JAZF1: variants seen among roughly 807,000 people sequenced by gnomAD.
JAZF1 encodes the protein JAZF zinc finger 1, also known as juxtaposed with another zinc finger protein 1.
A neutral mutation model predicts 26.4 loss-of-function variants in JAZF1; 8 were observed. That is an observed-to-expected ratio of 0.30 (90% confidence interval 0.18 to 0.55). The LOEUF (loss-of-function observed/expected upper bound fraction) is 0.55, where lower values mean the gene tolerates loss of function less well. Ranked by LOEUF, JAZF1 falls within the 20% of genes least tolerant of loss-of-function variation. JAZF1 has a pLI of 0.94. For synonymous variants in JAZF1, 126 were observed against 122.3 expected (o/e 1.03, Z -0.20); for missense variants, 199 against 322.0 (o/e 0.62, Z 2.92).
At chr7:28,110,522 A>AAGGAG (rs1784635865) in intron 1 of JAZF1, among the ~76,000 whole-genome samples, 1 of 65,280 alleles carries the variant, frequency 1.5e-5, no homozygotes, top group African/African-American at 5.0e-5. Context: ...AGGAAAAGGA[A>AAGGAG]AAGGAAAAGG....
At chr7:27,913,450 C>A (rs1398255938) in intron 2 of JAZF1, 2 of 419,004 alleles carry the variant, frequency 4.8e-6, no homozygotes, top group Middle Eastern at 3.5e-4. Context: ...CTCATCTCCG[C>A]TGTCTGTGGG....
chr7:28,030,720 G>C (rs896552594), intron 1 of JAZF1, among the ~76,000 whole-genome samples: 9 of 152,130 alleles, frequency 5.9e-5, no homozygotes, highest in Admixed American at 4.6e-4. Flanking sequence ...CTTTAAAATA[G>C]TTTTTATTTA....
Position 28,179,589 on chromosome 7 carries a change from C to T in JAZF1, c.115+874G>A, listed in dbSNP as rs866246048. ...GGGGTGTCTCTCCAGCGGGCGCCGCCGCAGGGGCCTCCAGGGCGCGTCGAC... is the reference window on the plus strand; with the variant it reads ...GGGGTGTCTCTCCAGCGGGCGCCGCTGCAGGGGCCTCCAGGGCGCGTCGAC... On this transcript the variant is annotated intron_variant, in intron 1 of 4. Transcript: ENST00000283928. Among the ~76,000 whole-genome samples, 80 of 151,446 alleles carry T rather than the reference C, an allele frequency of 5.3e-4. No individual in the cohort carries two copies. The Middle Eastern group carries it at 0.01, about 19-fold the overall frequency.
chr7:27,991,970 G>A lies in JAZF1; in HGVS notation c.127C>T (p.Arg43Trp), dbSNP rs1458055738. ...IEDNHIDTDP[R>W]VLEKQELQQP... ...TGTAATTCTTGTTTTTCTAAAACCC[G>A]TGGATCTGTATCTGTAATAAAAACA... is the stretch of plus-strand genomic sequence containing the variant. Residue 43 changes from arginine (R) to tryptophan (W), a missense_variant, in exon 2 of 5, where the codon CGG becomes TGG. Physicochemically the swap from Arg to Trp is moderately radical, Grantham distance 101. Around this residue, in one of 2 missense-constraint regions of JAZF1, gnomAD observed 137 missense variants for 184.8 expected, o/e 0.74. Transcript: ENST00000283928. 1.9e-6 allele frequency: 3 copies of A among 1,600,234 alleles called. No homozygotes were observed. Among genetic ancestry groups the A allele is most frequent in the African/African-American group, 1.3e-5 (1 of 74,586 alleles).
At chr7:28,076,696 T>C (rs1250369720) in intron 1 of JAZF1, among the ~76,000 whole-genome samples, 1 of 144,804 alleles carries the variant, frequency 6.9e-6, no homozygotes, top group Non-Finnish European at 1.5e-5. Context: ...ACAATTGCTG[T>C]CTTTCTCTCT....
rs370764659 is a variant in JAZF1, at chr7:27,898,311, GTTTTT to G, written c.189-2900_189-2896del. ...CATATATATATATATATATACATCGGTTTTTTTTTTTTTTTTTTTGAGATGGAGTC... is the reference window on the plus strand; with the variant it reads ...CATATATATATATATATATACATCGGTTTTTTTTTTTTTTGAGATGGAGTC... On this transcript the variant is annotated intron_variant, in intron 2 of 4. Coordinates refer to ENST00000283928, the MANE Select transcript of JAZF1 (RefSeq NM_175061.4). 1.3e-3 allele frequency among the ~76,000 whole-genome samples: 141 copies of G among 111,262 alleles called. 2 individuals are homozygous for G. The highest frequency in any genetic ancestry group is 5.9e-3 in the Middle Eastern group (1 of 170). The allele number at this position is 111,262 out of a possible 152,430, so 73.0% of individuals were successfully genotyped here. A position where few individuals can be genotyped will look rare whatever the true frequency, so the allele number is the denominator to read the frequency against.
rs73302940 is a variant in JAZF1, at chr7:28,084,658, G to C, written c.116-92677C>G. On this transcript the variant is annotated intron_variant, in intron 1 of 4. Transcript: ENST00000283928. The stretch of plus-strand genomic sequence containing the variant: ...TCTAAGGGTGACCCCACCCCACAGC[G>C]GGCAAGCAGCATCATGCCATTGCCA... 7.4e-3 allele frequency among the ~76,000 whole-genome samples: 1,134 copies of C among 152,314 alleles called. 17 individuals carry two copies. Among genetic ancestry groups the C allele is most frequent in the African/African-American group, 0.026 (1,073 of 41,554 alleles).
chr7:27,908,842 C>T (rs1239218476), intron 2 of JAZF1, among the ~76,000 whole-genome samples: 9 of 152,180 alleles, frequency 5.9e-5, no homozygotes, highest in Non-Finnish European at 8.8e-5. Context: ...TGAGGTGTTG[C>T]CTGATTCGAG....
chr7:28,032,507 A>G (rs1783209654), intron 1 of JAZF1, among the ~76,000 whole-genome samples: 1 of 152,186 alleles, frequency 6.6e-6, no homozygotes, highest in Non-Finnish European at 1.5e-5. Context: ...GTTTGTAAAC[A>G]GTATGTTTCA....
At chr7:27,839,729 A>G (rs1189173695) in intron 4 of JAZF1, among the ~76,000 whole-genome samples, 1 of 152,246 alleles carries the variant, frequency 6.6e-6, no homozygotes, top group African/African-American at 2.4e-5. Flanking sequence ...TTTGTGTGCC[A>G]TGCTTTTATA....
chr7:27,912,809 A>G (rs1169296069), intron 2 of JAZF1, among the ~76,000 whole-genome samples: 1 of 152,082 alleles, frequency 6.6e-6, no homozygotes, highest in Non-Finnish European at 1.5e-5. Context: ...AAAATGCAGA[A>G]AGTGCACAAA....
intron 1 of JAZF1, among the ~76,000 whole-genome samples, chr7:28,108,294 C>A (rs1784586123): frequency 6.6e-6 from 1 of 152,274 alleles, no homozygotes; most frequent in Middle Eastern, 3.4e-3. Flanking sequence ...TCATGCTTAC[C>A]CTTCCAGCAA....
intron 1 of JAZF1, among the ~76,000 whole-genome samples, chr7:28,138,918 C>T (rs747940255): frequency 1.2e-4 from 19 of 152,224 alleles, no homozygotes; most frequent in Non-Finnish European, 2.5e-4. Flanking sequence ...AGATAACATA[C>T]ATGACAGTTG....
chr7:27,857,547 G>A (rs1783292860), intron 3 of JAZF1, among the ~76,000 whole-genome samples: 1 of 152,220 alleles, frequency 6.6e-6, no homozygotes, highest in Non-Finnish European at 1.5e-5. Context: ...GGGCTGCGAG[G>A]GCTGCCAGCA....
At chr7:28,020,820 C>G (rs1052113753) in intron 1 of JAZF1, 4 of 392,744 alleles carry the variant, frequency 1.0e-5, no homozygotes, top group African/African-American at 8.4e-5. Flanking sequence ...CCAAAACTCA[C>G]TGGTTGTTTT....
At chr7:28,083,139 G>C (rs1206456148) in intron 1 of JAZF1, among the ~76,000 whole-genome samples, 1 of 152,052 alleles carries the variant, frequency 6.6e-6, no homozygotes, top group Non-Finnish European at 1.5e-5. Context: ...GGTAAGTTTT[G>C]CCTGAACCCC....
At chr7:27,932,485 T>G (rs149467308) in intron 2 of JAZF1, among the ~76,000 whole-genome samples, 23 of 152,272 alleles carry the variant, frequency 1.5e-4, no homozygotes, top group South Asian at 2.1e-4. Flanking sequence ...AGAGGGTGCA[T>G]CTTGTGCTCT....
chr7:28,005,077 CA>C (rs1782675865), intron 1 of JAZF1, among the ~76,000 whole-genome samples: 3 of 152,238 alleles, frequency 2.0e-5, no homozygotes, highest in African/African-American at 7.2e-5. Flanking sequence ...TTTCGAAAAC[CA>C]AATCACAATC....
intron 1 of JAZF1, among the ~76,000 whole-genome samples, chr7:28,141,729 A>G (rs1360918925): frequency 6.6e-6 from 1 of 152,226 alleles, no homozygotes; most frequent in African/African-American, 2.4e-5. Flanking sequence ...CTTGACAGAT[A>G]CTTTACATAT....
Sources: allele counts gnomAD v4.1 joint callset (sites outside exome capture counted in the v4.1 genomes callset), GRCh38; gene constraint gnomAD v4.1.1; regional missense constraint gnomAD v4.1.1; transcripts MANE v1.5; gene names NCBI Gene and HGNC (gene_info 2026-07-23, HGNC 2026-07-21).